DYSF: variants seen among roughly 807,000 people sequenced by gnomAD.
DYSF encodes dysferlin, also known as dystrophy-associated fer-1-like 1.
DYSF carries 212 observed loss-of-function variants against 274.9 expected under a neutral mutation model. That is an observed-to-expected ratio of 0.77 (90% CI 0.69 to 0.86). DYSF has a LOEUF of 0.86. DYSF is among the 40% of genes least tolerant of loss of function. The probability of loss-of-function intolerance (pLI) is 0.00; values close to 1 mark genes in which losing one functional copy is unlikely to be tolerated. For synonymous variants in DYSF, 1,091 were observed against 1,078.7 expected (o/e 1.01, Z -0.22); for missense variants, 2,666 against 2,783.2 (o/e 0.96, Z 0.95).
At position 71,466,740 on chromosome 2, in the gene DYSF, C is replaced by G; in HGVS notation, c.-103C>G. 7.1e-7 allele frequency: 1 copy of G among 1,402,802 alleles called. No homozygotes were observed. Among genetic ancestry groups the G allele is most frequent in the Non-Finnish European group, 9.3e-7 (1 of 1,075,538 alleles). 86.9% of individuals were successfully genotyped at this position (1,402,802 alleles called of 1,614,324 possible). ...GCAGCGAAGGCGACAGCTCTCTTGG[C>G]GCGGCTGCCTGGGAGCCGGGCGCTT... On this transcript the variant is annotated 5_prime_UTR_variant, in exon 1 of 56. Coordinates refer to ENST00000410020, the MANE Select transcript of DYSF (RefSeq NM_001130987.2).
intron 16 of DYSF, among the ~76,000 whole-genome samples, chr2:71,535,848 C>G (rs2089282203): frequency 2.6e-5 from 4 of 152,194 alleles, no homozygotes; most frequent in African/African-American, 9.7e-5. Flanking sequence ...ACCACAGCAT[C>G]TAATACTTGT....
chr2:71,658,316 A>T (rs1441942607), intron 43 of DYSF, among the ~76,000 whole-genome samples: 1 of 152,196 alleles, frequency 6.6e-6, no homozygotes, highest in Non-Finnish European at 1.5e-5. Context: ...ATTTTGGGCA[A>T]AGCCATTAAA....
At chr2:71,531,319 A>AT (rs1360749908) in intron 14 of DYSF, among the ~76,000 whole-genome samples, 1 of 152,012 alleles carries the variant, frequency 6.6e-6, no homozygotes, top group Non-Finnish European at 1.5e-5. Context: ...GTATTTGCCA[A>AT]TTTGCCTACT....
At chr2:71,529,502 G>A (rs1415954668) in intron 14 of DYSF, among the ~76,000 whole-genome samples, 3 of 152,120 alleles carry the variant, frequency 2.0e-5, no homozygotes, top group Admixed American at 6.5e-5. Context: ...GAAGTATTTC[G>A]GCAAGAACTC....
rs745452114 is a variant in DYSF at position 71,613,350 on chromosome 2, C to T, written c.4404C>T (p.Leu1468=). 2 of 1,613,152 alleles carry T rather than the reference C, an allele frequency of 1.2e-6. No individual in the cohort carries two copies. Among genetic ancestry groups the T allele is most frequent in the South Asian group, 2.2e-5 (2 of 90,700 alleles). The change falls in exon 40 of 56, where the codon CTC becomes CTT. Residue 1468 remains leucine, a synonymous_variant. Transcript: ENST00000410020. The part of the protein sequence containing the change: ...PQGGPDDVSL[L]SPGEDVLIDI... The stretch of plus-strand genomic sequence containing the variant: ...CCCCTGCAGACGATGTGAGCCTACT[C>T]AGTCCTGGGGAAGACGTGCTCATCG...
chr2:71,553,904 C>T lies in DYSF; in HGVS notation c.2082C>T (p.Asn694=). 1 of 1,614,186 alleles carries T rather than the reference C, an allele frequency of 6.2e-7. No individual in the cohort carries two copies. Among genetic ancestry groups the T allele is most frequent in the Non-Finnish European group, 8.5e-7 (1 of 1,180,044 alleles). Residue 694 remains asparagine, a synonymous_variant, in exon 21 of 56, where the codon AAC becomes AAT. Coordinates refer to ENST00000410020, the MANE Select transcript of DYSF (RefSeq NM_001130987.2). ...TCAGCCATAGAATCGAGACTCAGAA[C>T]CAGCTGCTTGGGATTGCTGACCGGC... ...EDISHRIETQ[N]QLLGIADRLE... is the part of the protein sequence containing the mutation.
chr2:71,523,178 A>G (rs1243219583), intron 12 of DYSF, among the ~76,000 whole-genome samples: 1 of 152,154 alleles, frequency 6.6e-6, no homozygotes, highest in Non-Finnish European at 1.5e-5. Context: ...CCTCCGTCAC[A>G]TGGCCCAAGA....
rs368033221 is a variant in DYSF at position 71,570,621 on chromosome 2, C to A, written c.3108C>A (p.Ile1036=). Residue 1036 remains isoleucine, a synonymous_variant, in exon 29 of 56, where the codon ATC becomes ATA. Coordinates refer to ENST00000410020, the MANE Select transcript of DYSF (RefSeq NM_001130987.2). ...DEQGWEYSIT[I]PPERKPKHWV... ...CAGGCTGGGAGTATAGCATCACCAT[C>A]CCCCCGGAGCGGAAGCCGAAGCACT... The A allele has an allele frequency of 6.2e-7, 1 of 1,613,808 alleles. No individual in the cohort carries two copies. Among genetic ancestry groups the A allele is most frequent in the African/African-American group, 1.3e-5 (1 of 74,920 alleles).
chr2:71,655,109 C>T lies in DYSF; in HGVS notation c.4627-1053C>T, dbSNP rs1329903082. On this transcript the variant is annotated intron_variant, in intron 42 of 55. Transcript: ENST00000410020. ...TCTCCCCTCACTTGCACCCCCCATCCACAAAACAAGTTACAAGTTTGTATC... is the reference window on the plus strand; with the variant it reads ...TCTCCCCTCACTTGCACCCCCCATCTACAAAACAAGTTACAAGTTTGTATC... 2.0e-5 allele frequency among the ~76,000 whole-genome samples: 3 copies of T among 151,732 alleles called. No individual in the cohort carries two copies. The East Asian group carries it at 5.8e-4, about 29-fold the overall frequency.
At position 71,526,336 on chromosome 2, in the gene DYSF, C is replaced by T; in HGVS notation, c.1266C>T (p.Asp422=). ...GCCTGAAGGTCTTCCGGGCCGAGGA[C>T]TTGCCGCAGAGTGCGTGGGGCGCGC... ...HFCLKVFRAE[D]LPQMDDAVMD... Residue 422 remains aspartate, a synonymous_variant, in exon 13 of 56, where the codon GAC becomes GAT. Coordinates refer to ENST00000410020, the MANE Select transcript of DYSF (RefSeq NM_001130987.2). 2.0e-6 allele frequency: 3 copies of T among 1,518,274 alleles called. No homozygotes were observed. The highest frequency in any genetic ancestry group is 1.1e-5 in the South Asian group (1 of 89,704). 94.1% of individuals were successfully genotyped at this position (1,518,274 alleles called of 1,614,324 possible).
At chr2:71,618,412 G>GGT (rs796750732) in intron 40 of DYSF, among the ~76,000 whole-genome samples, 182 of 6,262 alleles carry the variant, frequency 0.029, no homozygotes, top group Non-Finnish European at 0.033. Flanking sequence ...TGGTAGAGGT[G>GGT]GTGTGTGTGT....
intron 1 of DYSF, among the ~76,000 whole-genome samples, chr2:71,478,039 T>C (rs2082534798): frequency 1.4e-5 from 2 of 147,432 alleles, no homozygotes; most frequent in South Asian, 2.1e-4. Context: ...TTTGGGAAGT[T>C]ATAGTTTTTT....
rs564219559 is a variant in DYSF at position 71,667,434 on chromosome 2, T to G, written c.5376T>G (p.His1792Gln). The G allele has an allele frequency of 6.2e-7, 1 of 1,614,116 alleles. No homozygotes were observed. Among genetic ancestry groups the G allele is most frequent in the South Asian group, 1.1e-5 (1 of 91,080 alleles). ...LGPVEERLAL[H>Q]VLQQQGLVPE... ...CAGTGGAGGAGCGTCTGGCTCTGCA[T>G]GTGCTTCAGCAGCAGGGCCTGGTCC... Residue 1792 changes from histidine to glutamine, a missense_variant, in exon 48 of 56, where the codon CAT becomes CAG. Physicochemically the swap from His to Gln is conservative, Grantham distance 24 (BLOSUM62 0). Transcript: ENST00000410020.
chr2:71,659,106 C>T (rs902899281), intron 44 of DYSF, 73 bp downstream of exon 44: 4 of 1,592,586 alleles, frequency 2.5e-6, no homozygotes, highest in Non-Finnish European at 3.4e-6. Context: ...AACCTGGACA[C>T]AAACTCTGCC....
intron 17 of DYSF, among the ~76,000 whole-genome samples, chr2:71,542,909 G>A (rs915467130): frequency 5.9e-5 from 9 of 151,644 alleles, no homozygotes; most frequent in South Asian, 2.1e-4. Flanking sequence ...ATGGGGTGGC[G>A]GCCGGGCAGA....
intron 29 of DYSF, among the ~76,000 whole-genome samples, chr2:71,573,773 G>A (rs1369736030): frequency 6.6e-6 from 1 of 151,972 alleles, no homozygotes; most frequent in Non-Finnish European, 1.5e-5. Context: ...GGTTCTTCCC[G>A]CAGCCCATGG....
intron 36 of DYSF, among the ~76,000 whole-genome samples, chr2:71,608,976 G>T (rs2093698651): frequency 1.8e-5 from 2 of 113,340 alleles, no homozygotes; most frequent in African/African-American, 9.0e-5. Flanking sequence ...TTTTGGCTCT[G>T]GGTCCATATT....
At chr2:71,624,534 G>T (rs139168107) in intron 41 of DYSF, among the ~76,000 whole-genome samples, 1,816 of 152,160 alleles carry the variant, frequency 0.012, 30 homozygotes, top group African/African-American at 0.042. Context: ...GTTGCTGAAA[G>T]GCCCTAAAAT....
intron 1 of DYSF, among the ~76,000 whole-genome samples, chr2:71,461,045 C>G (rs943561990): frequency 2.0e-5 from 3 of 152,134 alleles, no homozygotes; most frequent in Non-Finnish European, 2.9e-5. Context: ...CTGAACTCAC[C>G]AGTGGGCAGA....
Sources: gnomAD v4.1 joint callset for allele counts (sites outside exome capture counted in the v4.1 genomes callset) on GRCh38, gnomAD v4.1.1 for gene constraint, MANE v1.5 for transcripts, NCBI Gene and HGNC (gene_info 2026-07-23, HGNC 2026-07-21) for gene names.